Variants in MYO16 observed in about 807,000 individuals in gnomAD.
MYO16 encodes myosin XVI.
Under a neutral mutation model 205.3 loss-of-function variants are expected in MYO16, and 94 were observed. The ratio of observed to expected loss-of-function variants is 0.46; its 90% confidence interval spans 0.39 to 0.54. MYO16 has a LOEUF of 0.54. MYO16 is among the 20% of genes least tolerant of loss of function. The pLI is 0.00. For synonymous variants in MYO16, 988 were observed against 954.0 expected, an observed-to-expected ratio of 1.04 and a Z score of -0.66; for missense variants, 2,315 against 2,387.5, an observed-to-expected ratio of 0.97 and a Z score of 0.63.
In MYO16 at chr13:109,169,941, A is replaced by C. The variant is rs547125671; in HGVS notation, c.5323+4882A>C. On this transcript the variant is annotated intron_variant, in intron 33 of 34. Transcript: ENST00000457511. ...GAATAATTGATTGCTATCCATGTGG[A>C]GCAAACAGTGAAACTCGACTCTGCC... Among the ~76,000 whole-genome samples, 5 of 152,366 alleles carry C rather than the reference A, an allele frequency of 3.3e-5. No homozygotes were observed. The East Asian group carries it at 9.6e-4, about 29-fold the overall frequency.
chr13:109,055,543 A>C lies in MYO16; in HGVS notation c.3283A>C (p.Ile1095Leu). 6.2e-7 allele frequency: 1 copy of C among 1,613,042 alleles called. No homozygotes were observed. Among genetic ancestry groups the C allele is most frequent in the Non-Finnish European group, 8.5e-7 (1 of 1,179,450 alleles). The change falls in exon 27 of 35, where the codon ATC becomes CTC. Residue 1095 changes from isoleucine to leucine, a missense_variant. Physicochemically the swap from Ile to Leu is conservative, Grantham distance 5. Around this residue, in one of 3 missense-constraint regions of MYO16, gnomAD observed 1,097 missense variants for 1,092.0 expected, o/e 1.00. Coordinates refer to ENST00000457511, the MANE Select transcript of MYO16 (RefSeq NM_001198950.3). This position sits in a 1 kb window ranked among gnomAD's most constrained non-coding sequence, Gnocchi z 5.0. ...QYIGVLEMVK[I>L]FRYGYPVRLS... ...TATTGGGGTCCTGGAGATGGTGAAG[A>C]TCTTCCGATATGGATACCCTGTTCG... is the stretch of plus-strand genomic sequence containing the variant.
chr13:108,665,772 AT>A, intron 1 of MYO16, 113 bp from the exon 2 acceptor site: 1 of 1,101,324 alleles, frequency 9.1e-7, no homozygotes, highest in South Asian at 2.3e-5. Context: ...TGCAAGGAGA[AT>A]TGTTGCATTT....
At chr13:109,151,625 T>A (rs1877673005) in intron 32 of MYO16, among the ~76,000 whole-genome samples, 1 of 152,076 alleles carries the variant, frequency 6.6e-6, no homozygotes, top group South Asian at 2.1e-4. Context: ...TCAAAAGAAA[T>A]CTCCATTTTT....
At chr13:108,646,074 T>A (rs1466637107) in intron 1 of MYO16, among the ~76,000 whole-genome samples, 1 of 152,214 alleles carries the variant, frequency 6.6e-6, no homozygotes, top group South Asian at 2.1e-4. Flanking sequence ...TCTGGGGCAC[T>A]ACATTTTTCC....
chr13:108,645,681 G>T (rs1467158111), intron 1 of MYO16, among the ~76,000 whole-genome samples: 1 of 152,186 alleles, frequency 6.6e-6, no homozygotes, highest in Non-Finnish European at 1.5e-5. Context: ...ATGGATCAAT[G>T]TTGACTGGAA....
chr13:108,925,461 T>C (rs1240723482), intron 16 of MYO16, among the ~76,000 whole-genome samples: 6 of 152,218 alleles, frequency 3.9e-5, no homozygotes, highest in Non-Finnish European at 7.3e-5. Flanking sequence ...AAGTATAATA[T>C]GATTTATAAG....
chr13:108,553,177 C>T, the MYO16 span, among the ~76,000 whole-genome samples: 1 of 151,860 alleles, frequency 6.6e-6, no homozygotes, highest in Admixed American at 6.6e-5. Flanking sequence ...TGCCACCACG[C>T]CCAACTAATT....
chr13:108,912,579 T>C (rs1303966310), intron 16 of MYO16, among the ~76,000 whole-genome samples: 1 of 152,010 alleles, frequency 6.6e-6, no homozygotes, highest in Non-Finnish European at 1.5e-5. Context: ...AGTGAATACC[T>C]TTTATGCAGC....
chr13:108,745,310 C>G (rs1048745491), intron 4 of MYO16, among the ~76,000 whole-genome samples: 2 of 152,152 alleles, frequency 1.3e-5, no homozygotes, highest in African/African-American at 2.4e-5. Context: ...GGGCCACAGT[C>G]TTAGGGGGCC....
intron 11 of MYO16, among the ~76,000 whole-genome samples, chr13:108,860,311 C>G (rs1481024401): frequency 1.3e-5 from 2 of 150,950 alleles, no homozygotes; most frequent in Non-Finnish European, 2.9e-5. Context: ...GCCTCCAGCT[C>G]CATCCATGTT....
At chr13:109,172,026 G>A (rs1470217723) in intron 33 of MYO16, among the ~76,000 whole-genome samples, 3 of 152,126 alleles carry the variant, frequency 2.0e-5, no homozygotes, top group South Asian at 2.1e-4. Context: ...CTCTGACTCC[G>A]GTGCCTTGTT....
chr13:108,968,915 T>C (rs752566992), intron 20 of MYO16, among the ~76,000 whole-genome samples: 1 of 152,190 alleles, frequency 6.6e-6, no homozygotes, highest in African/African-American at 2.4e-5. Flanking sequence ...AGGGAATAAG[T>C]TGGTCTTCCA....
At chr13:108,608,651 GAT>G (rs1491354036) in intron 1 of MYO16, among the ~76,000 whole-genome samples, 7 of 151,288 alleles carry the variant, frequency 4.6e-5, no homozygotes, top group East Asian at 2.0e-4. Flanking sequence ...ACCCACAAAT[GAT>G]TTTTTTTTTG....
intron 4 of MYO16, among the ~76,000 whole-genome samples, chr13:108,737,519 G>A (rs1884747178): frequency 6.6e-6 from 1 of 152,160 alleles, no homozygotes; most frequent in Non-Finnish European, 1.5e-5. Context: ...GCTTTTTGAT[G>A]TGCTGCTGGA....
intron 10 of MYO16, 153 bp from the exon 11 acceptor site, chr13:108,855,290 T>TTA: frequency 7.6e-6 from 3 of 393,828 alleles, no homozygotes; most frequent in Non-Finnish European, 9.0e-6. Flanking sequence ...TTTTTTTTTT[T>TTA]CTTTTTCATT....
rs74119847 is a variant in MYO16 at position 109,153,088 on chromosome 13, C to T, written c.5164+11712C>T. On this transcript the variant is annotated intron_variant, in intron 32 of 34. Transcript: ENST00000457511. ...TCGGGATTCACAAAACACGACGTATCCATGACGCTCGTTCAACACTGCATT... is the reference window on the plus strand; with the variant it reads ...TCGGGATTCACAAAACACGACGTATTCATGACGCTCGTTCAACACTGCATT... 4.0e-3 allele frequency among the ~76,000 whole-genome samples: 610 copies of T among 152,250 alleles called. 2 individuals are homozygous for T. Among genetic ancestry groups the T allele is most frequent in the African/African-American group, 0.014 (586 of 41,548 alleles).
intron 33 of MYO16, among the ~76,000 whole-genome samples, chr13:109,173,851 G>C (rs1879025491): frequency 7.8e-6 from 1 of 127,886 alleles, no homozygotes; most frequent in Non-Finnish European, 1.5e-5. Flanking sequence ...TCGCGCCACT[G>C]CGCTCCAGCC....
chr13:108,671,437 G>A (rs1464840577), intron 2 of MYO16, among the ~76,000 whole-genome samples: 1 of 152,112 alleles, frequency 6.6e-6, no homozygotes, highest in African/African-American at 2.4e-5. Flanking sequence ...CCTCAGCAAG[G>A]CAACCTATAT....
chr13:108,699,234 A>G (rs1349106886), intron 2 of MYO16, among the ~76,000 whole-genome samples: 1 of 151,766 alleles, frequency 6.6e-6, no homozygotes, highest in African/African-American at 2.4e-5. Flanking sequence ...TTATGTATAT[A>G]TAGTTATTAC....
Sources: allele counts gnomAD v4.1 joint callset (sites outside exome capture counted in the v4.1 genomes callset), GRCh38; gene constraint gnomAD v4.1.1; regional missense constraint gnomAD v4.1.1; non-coding constraint Gnocchi (gnomAD v3.1); transcripts MANE v1.5; gene names NCBI Gene and HGNC (gene_info 2026-07-23, HGNC 2026-07-21).